The following DCAF5 variants were observed in gnomAD, a reference collection of about 807,000 sequenced individuals.
DCAF5 encodes DDB1 and CUL4 associated factor 5.
A neutral mutation model predicts 80.7 loss-of-function variants in DCAF5; 9 were observed. The observed-to-expected ratio is 0.11, with a 90% CI of 0.07 to 0.19. The LOEUF is 0.19. Among genes scored for constraint, DCAF5 ranks in the 10% least tolerant of loss-of-function variants. The pLI, the probability that DCAF5 is intolerant of heterozygous loss-of-function variation, is 1.00. For synonymous variants in DCAF5, 433 were observed against 461.9 expected (o/e 0.94, Z 0.80); for missense variants, 842 against 1,205.7 (o/e 0.70, Z 4.47).
rs2039433282 is a variant in DCAF5, at chr14:69,088,805, GC to G, written c.879+2868del. ...ATATAAAGCCCAATATAAGGAAAAG[GC>G]AGGCTATGGAAACTGAAAGCAGAAA... On this transcript the variant is annotated intron_variant, in intron 6 of 8. Transcript: ENST00000341516. 2.6e-5 allele frequency among the ~76,000 whole-genome samples: 4 copies of G among 152,236 alleles called. No individual in the cohort carries two copies. In the South Asian group the frequency reaches 8.3e-4, roughly 32 times the overall value.
At chr14:69,147,880 A>G (rs2041585848) in intron 1 of DCAF5, among the ~76,000 whole-genome samples, 1 of 152,236 alleles carries the variant, frequency 6.6e-6, no homozygotes, top group Non-Finnish European at 1.5e-5. Context: ...TTATTCTGCT[A>G]GCTCTATAAG....
chr14:69,137,622 A>AGC (rs1268721569), intron 1 of DCAF5, among the ~76,000 whole-genome samples: 2 of 152,310 alleles, frequency 1.3e-5, no homozygotes, highest in South Asian at 4.1e-4. Flanking sequence ...GCCACCCACC[A>AGC]GCAGATGTAA....
At chr14:69,070,948 C>A (rs1304530242) in intron 7 of DCAF5, among the ~76,000 whole-genome samples, 1 of 151,996 alleles carries the variant, frequency 6.6e-6, no homozygotes, top group East Asian at 1.9e-4. Context: ...TGGGTGTGCA[C>A]CACTACACCT....
chr14:69,143,137 G>T (rs2041425520), intron 1 of DCAF5, among the ~76,000 whole-genome samples: 1 of 152,072 alleles, frequency 6.6e-6, no homozygotes, highest in African/African-American at 2.4e-5. Flanking sequence ...CTGGCTCCAA[G>T]TCCACTCCCA....
chr14:69,081,076 GA>G (rs2039082365), intron 6 of DCAF5, among the ~76,000 whole-genome samples: 2 of 151,372 alleles, frequency 1.3e-5, no homozygotes, highest in African/African-American at 4.9e-5. Flanking sequence ...AAGAATATAA[GA>G]AAAAATAAAA....
chr14:69,132,352 G>A (rs999712111), intron 1 of DCAF5, among the ~76,000 whole-genome samples: 1 of 152,160 alleles, frequency 6.6e-6, no homozygotes, highest in Admixed American at 6.5e-5. Context: ...GGTGTGAAAT[G>A]TTTGCTGGCC....
Position 69,054,225 on chromosome 14 carries a change from C to T in DCAF5, c.2461G>A (p.Glu821Lys), listed in dbSNP as rs1160479107. The T allele has an allele frequency of 6.2e-7, 1 of 1,614,240 alleles. No individual in the cohort carries two copies. Among genetic ancestry groups the T allele is most frequent in the Non-Finnish European group, 8.5e-7 (1 of 1,180,044 alleles). Residue 821 changes from glutamate to lysine, a missense_variant, in exon 9 of 9, where the codon GAG (glutamate) becomes AAG (lysine). Around this residue, in one of 5 missense-constraint regions of DCAF5, gnomAD observed 607 missense variants for 656.6 expected, o/e 0.92. Transcript: ENST00000341516. ...NCPRTQSDDS[E>K]ERSLETICAN... Reference sequence around the variant, plus strand: ...CAGATGGTTTCGAGGCTCCTCTCCTCACTGTCATCAGACTGGGTCCTGGGA... The same window carrying T: ...CAGATGGTTTCGAGGCTCCTCTCCTTACTGTCATCAGACTGGGTCCTGGGA...
rs750926448 is a variant in DCAF5, at chr14:69,054,854, C to A, written c.1832G>T (p.Gly611Val). ...CTGGGGGTAATCATAGTTGTCTTCT[C>A]CAATGTAAGTGTTGGTGGGCTTGAT... ...APIKPTNTYI[G>V]EDNYDYPQIK... The change falls in exon 9 of 9, where the codon GGA becomes GTA. Residue 611 changes from glycine to valine, a missense_variant. Gly to Val is a moderately radical substitution (Grantham distance 109, BLOSUM62 -3). Coordinates refer to ENST00000341516, the MANE Select transcript of DCAF5 (RefSeq NM_003861.3). The A allele has an allele frequency of 6.2e-7, 1 of 1,614,128 alleles. No homozygotes were observed. Among genetic ancestry groups the A allele is most frequent in the South Asian group, 1.1e-5 (1 of 91,068 alleles).
chr14:69,148,468 G>C (rs1315342606), intron 1 of DCAF5, among the ~76,000 whole-genome samples: 1 of 152,144 alleles, frequency 6.6e-6, no homozygotes. Flanking sequence ...AGGCTGAGGT[G>C]GGCAAATCAT....
Position 69,054,039 on chromosome 14 carries a change from A to T in DCAF5, c.2647T>A (p.Cys883Ser), listed in dbSNP as rs1257728237. Residue 883 changes from cysteine to serine, a missense_variant, in exon 9 of 9, where the codon TGT (cysteine) becomes AGT (serine). Around this residue, in one of 5 missense-constraint regions of DCAF5, gnomAD observed 607 missense variants for 656.6 expected, o/e 0.92. Transcript: ENST00000341516. The stretch of plus-strand genomic sequence containing the variant: ...TCACAGGCCATTTCAGACCCGCAAC[A>T]ATCTTTGTGTAGGAGTGTCCCTGTC... ...SLTGTLLHKD[C>S]CGSEMACETP... The T allele has an allele frequency of 6.2e-7, 1 of 1,612,924 alleles. No individual in the cohort carries two copies. Among genetic ancestry groups the T allele is most frequent in the African/African-American group, 1.3e-5 (1 of 74,876 alleles).
chr14:69,101,886 T>A (rs1204948376), intron 5 of DCAF5, among the ~76,000 whole-genome samples: 2 of 152,020 alleles, frequency 1.3e-5, no homozygotes, highest in Non-Finnish European at 2.9e-5. Context: ...ATAAAAGATT[T>A]AAAAAAATGG....
chr14:69,135,012 A>G (rs2041147897), intron 1 of DCAF5, among the ~76,000 whole-genome samples: 1 of 152,230 alleles, frequency 6.6e-6, no homozygotes, highest in South Asian at 2.1e-4. Flanking sequence ...AAAGCAAAAA[A>G]TAAACAGAAG....
intron 5 of DCAF5, among the ~76,000 whole-genome samples, chr14:69,102,440 T>G (rs951298255): frequency 1.3e-5 from 2 of 152,058 alleles, no homozygotes; most frequent in African/African-American, 2.4e-5. Context: ...CTTTATAAAC[T>G]TTTTTACTGT....
At chr14:69,119,081 G>T in intron 3 of DCAF5, 113 bp downstream of exon 3, 1 of 983,214 alleles carries the variant, frequency 1.0e-6, no homozygotes, top group Non-Finnish European at 1.5e-6. Flanking sequence ...AGAACAGCTG[G>T]TTTCATGTTG....
Position 69,054,182 on chromosome 14 carries a change from C to A in DCAF5, c.2504G>T (p.Gly835Val). 2 of 1,614,210 alleles carry A rather than the reference C, an allele frequency of 1.2e-6. No homozygotes were observed. The highest frequency in any genetic ancestry group is 1.7e-6 in the Non-Finnish European group (2 of 1,180,032). The stretch of plus-strand genomic sequence containing the variant: ...GTGAGGGGGACGAGGGTGTAAGCGT[C>A]CATTGTTGTGGTTGGCACAGATGGT... ...LETICANHNN[G>V]RLHPRPPHPH... The change falls in exon 9 of 9, where the codon GGA (glycine) becomes GTA (valine). Residue 835 changes from glycine (G) to valine (V), a missense_variant. This residue lies in a region of DCAF5 where 607 missense variants were observed against 656.6 expected (regional missense o/e 0.92). Coordinates refer to ENST00000341516, the MANE Select transcript of DCAF5 (RefSeq NM_003861.3).
At chr14:69,150,746 C>G (rs113642560) in intron 1 of DCAF5, among the ~76,000 whole-genome samples, 3,256 of 151,146 alleles carry the variant, frequency 0.022, 113 homozygotes, top group African/African-American at 0.071. Context: ...GTTTAAATTA[C>G]CTGGGCATGA....
chr14:69,129,150 G>GT (rs1024684003), intron 1 of DCAF5, among the ~76,000 whole-genome samples: 18 of 152,232 alleles, frequency 1.2e-4, no homozygotes, highest in Admixed American at 7.2e-4. Flanking sequence ...CCTTGGGATC[G>GT]TTTTAAATGA....
intron 1 of DCAF5, among the ~76,000 whole-genome samples, chr14:69,128,837 G>A (rs2040953610): frequency 6.6e-6 from 1 of 152,026 alleles, no homozygotes; most frequent in Non-Finnish European, 1.5e-5. Context: ...CCAGCACTTA[G>A]GGAGGTCGAG....
intron 1 of DCAF5, among the ~76,000 whole-genome samples, chr14:69,132,889 C>G (rs965197734): frequency 1.3e-5 from 2 of 152,192 alleles, no homozygotes; most frequent in Non-Finnish European, 2.9e-5. Flanking sequence ...CTTAACTTCT[C>G]TAAATTATAG....
Sources: gnomAD v4.1 joint callset for allele counts (sites outside exome capture counted in the v4.1 genomes callset) on GRCh38, gnomAD v4.1.1 for gene constraint, gnomAD v4.1.1 regional missense constraint, MANE v1.5 for transcripts, NCBI Gene and HGNC (gene_info 2026-07-23, HGNC 2026-07-21) for gene names.